The following ETS1 variants were observed in gnomAD, a reference collection of about 807,000 sequenced individuals.
The protein encoded by ETS1 is ETS proto-oncogene 1, transcription factor, also known as protein C-ets-1.
ETS1 carries 15 observed loss-of-function variants against 58.6 expected under a neutral mutation model. The observed-to-expected ratio is 0.26, with a 90% CI of 0.17 to 0.39. ETS1 has a LOEUF of 0.39. Among genes scored for constraint, ETS1 ranks in the 10% least tolerant of loss-of-function variants. The probability of loss-of-function intolerance (pLI) is 1.00; values close to 1 mark genes in which losing one functional copy is unlikely to be tolerated. For missense variants in ETS1, 417 were observed against 610.5 expected (o/e 0.68, Z 3.34); for synonymous variants, 214 against 218.2 (o/e 0.98, Z 0.17).
At chr11:128,503,413 G>A (rs1028843222) in intron 3 of ETS1, among the ~76,000 whole-genome samples, 2 of 152,164 alleles carry the variant, frequency 1.3e-5, no homozygotes, top group Admixed American at 6.5e-5. Flanking sequence ...CTTCATAAGT[G>A]TGTCAAGATG....
chr11:128,498,375 G>A (rs1862997836), intron 3 of ETS1, among the ~76,000 whole-genome samples: 1 of 152,302 alleles, frequency 6.6e-6, no homozygotes, highest in South Asian at 2.1e-4. Context: ...CAGATTCTGA[G>A]ATATAAATGG....
chr11:128,492,168 C>T (rs1460161030), intron 3 of ETS1, among the ~76,000 whole-genome samples: 1 of 152,166 alleles, frequency 6.6e-6, no homozygotes, highest in African/African-American at 2.4e-5. Flanking sequence ...GACTAAGTTC[C>T]AGGCAAGGCT....
chr11:128,555,048 T>A (rs998414185), intron 3 of ETS1, among the ~76,000 whole-genome samples: 2 of 152,162 alleles, frequency 1.3e-5, no homozygotes, highest in African/African-American at 4.8e-5. Context: ...ATAAATATTA[T>A]TATGTCTACA....
At chr11:128,536,764 G>A (rs1383718090) in intron 3 of ETS1, 2 of 152,166 alleles carry the variant, frequency 1.3e-5, no homozygotes, top group Non-Finnish European at 2.9e-5. Context: ...ATGACTTCAG[G>A]CTAAGCTGGC....
At chr11:128,509,554 T>TAA in intron 3 of ETS1, among the ~76,000 whole-genome samples, 1 of 104,984 alleles carries the variant, frequency 9.5e-6, no homozygotes, top group Non-Finnish European at 2.3e-5. Context: ...GTGAAAATTT[T>TAA]TTTTTTTTTT....
At chr11:128,575,307 TTC>T (rs10531263) in intron 1 of ETS1, among the ~76,000 whole-genome samples, 61,157 of 146,912 alleles carry the variant, frequency 0.42, 12,697 homozygotes, top group East Asian at 0.62. Context: ...TGAATGTGGT[TTC>T]TCTCTCTCTC....
chr11:128,582,726 T>TTA (rs566121748), intron 1 of ETS1, among the ~76,000 whole-genome samples: 122 of 152,290 alleles, frequency 8.0e-4, no homozygotes, highest in African/African-American at 2.9e-3. Flanking sequence ...GTTTGTACCA[T>TTA]TGTTATGCAT....
chr11:128,506,441 T>C (rs1403897309), intron 3 of ETS1, among the ~76,000 whole-genome samples: 1 of 152,148 alleles, frequency 6.6e-6, no homozygotes, highest in Non-Finnish European at 1.5e-5. Flanking sequence ...AAGCAATAGC[T>C]ATATGCTCAC....
chr11:128,484,681 G>A, intron 7 of ETS1, 142 bp downstream of exon 7: 1 of 702,558 alleles, frequency 1.4e-6, no homozygotes, highest in Non-Finnish European at 2.3e-6. Flanking sequence ...CTTAGTATCT[G>A]GACACTCTAA....
chr11:128,585,039 AGAAAG>A (rs1864963706), intron 1 of ETS1, among the ~76,000 whole-genome samples: 1 of 14,104 alleles, frequency 7.1e-5, no homozygotes, highest in Non-Finnish European at 1.1e-4. Flanking sequence ...AAGAAAAGAA[AGAAAG>A]AAAGAAAGAA....
At chr11:128,478,287 GA>G (rs1426794526) in intron 8 of ETS1, among the ~76,000 whole-genome samples, 1 of 146,620 alleles carries the variant, frequency 6.8e-6, no homozygotes, top group Non-Finnish European at 1.5e-5. Flanking sequence ...AGGGAGGAAG[GA>G]GGGAGGGAGA....
In ETS1 at chr11:128,462,543, G is replaced by C; in HGVS notation, c.1276C>G (p.Pro426Ala). ...CTCAGTTTCTCATAATTCATCTTAG[G>C]TTTGTTTTTCCTCTTTCCCCATCTC... ...ARRWGKRKNKPKMNYEKLSRG... is the reference protein window; with the variant it reads ...ARRWGKRKNKAKMNYEKLSRG... The change falls in exon 10 of 10, where the codon CCT becomes GCT. Residue 426 changes from proline to alanine, a missense_variant. By Grantham distance (27) the Pro-to-Ala change is conservative. Transcript: ENST00000392668. 1 of 1,614,082 alleles carries C rather than the reference G, an allele frequency of 6.2e-7. No homozygotes were observed. The highest frequency in any genetic ancestry group is 8.5e-7 in the Non-Finnish European group (1 of 1,179,992).
At position 128,465,467 on chromosome 11, in the gene ETS1, GC is replaced by G. The variant is rs970899857; in HGVS notation, c.1124-1841del. Among the ~76,000 whole-genome samples the G allele has an allele frequency of 5.8e-4, 88 of 152,262 alleles. 1 individual carries two copies. Among genetic ancestry groups the G allele is most frequent in the African/African-American group, 2.0e-3 (85 of 41,526 alleles). ...TAAAGTCATGAGCTACTTGTTTTCT[GC>G]CTGGGCTCACAAAACTAACCGTGAC... On this transcript the variant is annotated intron_variant, in intron 8 of 9. Coordinates refer to ENST00000392668, the MANE Select transcript of ETS1 (RefSeq NM_001143820.2).
intron 3 of ETS1, chr11:128,522,459 G>A (rs533186273): frequency 3.3e-6 from 2 of 607,372 alleles, no homozygotes; most frequent in East Asian, 2.8e-4. Context: ...GTCGGGGCAG[G>A]GCGGGGAGCC....
chr11:128,467,648 G>A (rs376373033), intron 8 of ETS1, among the ~76,000 whole-genome samples: 5 of 152,006 alleles, frequency 3.3e-5, no homozygotes, highest in South Asian at 2.1e-4. Flanking sequence ...TAATAATAGC[G>A]CCAGTCATGG....
intron 5 of ETS1, among the ~76,000 whole-genome samples, chr11:128,486,567 A>T (rs1461223111): frequency 6.6e-6 from 1 of 152,232 alleles, no homozygotes; most frequent in Non-Finnish European, 1.5e-5. Flanking sequence ...AATATATTGC[A>T]GTCTTTAGGC....
rs576798362 is a variant in ETS1 at position 128,464,868 on chromosome 11, T to C, written c.1124-1241A>G. ...CTACAAGACATTTTCACATGCATCG[T>C]TGTGCTTGCTCCTAAAATCCACACC... On this transcript the variant is annotated intron_variant, in intron 8 of 9. Transcript: ENST00000392668. This position sits in a 1 kb window ranked among gnomAD's most constrained non-coding sequence, Gnocchi z 4.1. 2.0e-5 allele frequency among the ~76,000 whole-genome samples: 3 copies of C among 152,336 alleles called. No individual in the cohort carries two copies. In the East Asian group the frequency reaches 5.8e-4, roughly 29 times the overall value.
At chr11:128,499,402 T>C (rs1255716845) in intron 3 of ETS1, among the ~76,000 whole-genome samples, 2 of 134,372 alleles carry the variant, frequency 1.5e-5, no homozygotes, top group Admixed American at 8.1e-5. Context: ...TATTCTCATA[T>C]GATTTTTCAA....
At chr11:128,562,017 C>A (rs532838837) in intron 2 of ETS1, among the ~76,000 whole-genome samples, 1 of 152,070 alleles carries the variant, frequency 6.6e-6, no homozygotes, top group Non-Finnish European at 1.5e-5. Context: ...TGGTTGAAGA[C>A]GTAGGAGGAA....
Sources: allele counts gnomAD v4.1 joint callset (sites outside exome capture counted in the v4.1 genomes callset), GRCh38; gene constraint gnomAD v4.1.1; non-coding constraint Gnocchi (gnomAD v3.1); transcripts MANE v1.5; gene names NCBI Gene and HGNC (gene_info 2026-07-23, HGNC 2026-07-21).